The following OSBPL7 variants were observed in gnomAD, a reference collection of about 807,000 sequenced individuals.
OSBPL7 encodes oxysterol binding protein like 7.
OSBPL7 carries 66 observed loss-of-function variants against 115.8 expected under a neutral mutation model. The observed-to-expected ratio is 0.57, with a 90% CI of 0.47 to 0.70. The LOEUF is 0.70. Among genes scored for constraint, OSBPL7 ranks in the 30% least tolerant of loss-of-function variants. The probability of loss-of-function intolerance (pLI) is 0.00; values close to 1 mark genes in which losing one functional copy is unlikely to be tolerated. For synonymous variants in OSBPL7, 441 were observed against 439.2 expected, an observed-to-expected ratio of 1.00 and a Z score of -0.05; for missense variants, 902 against 1,125.5, an observed-to-expected ratio of 0.80 and a Z score of 2.84.
rs983633673 is a variant in OSBPL7, at chr17:47,816,314, A to T, written c.1023+74T>A. 1.3e-6 allele frequency: 2 copies of T among 1,485,110 alleles called. No homozygotes were observed. Among genetic ancestry groups the T allele is most frequent in the Non-Finnish European group, 9.0e-7 (1 of 1,108,518 alleles). The allele number at this position is 1,485,110 out of a possible 1,614,324, so 92.0% of individuals were successfully genotyped here. A position where few individuals can be genotyped will look rare whatever the true frequency, so the allele number is the denominator to read the frequency against. ...CCCCCCACCCTGACCCAGATCTGCT[A>T]TCGGACCCCAGGCTGGCAGTCCTCA... On this transcript the variant is annotated intron_variant, in intron 11 of 22. Coordinates refer to ENST00000007414, the MANE Select transcript of OSBPL7 (RefSeq NM_145798.3). The surrounding 1 kb of genome is among the most constrained non-coding windows in gnomAD (Gnocchi z 5.8).
chr17:47,819,921 T>TTTC, intron 3 of OSBPL7, 50 bp downstream of exon 3: 1 of 1,343,822 alleles, frequency 7.4e-7, no homozygotes, highest in Non-Finnish European at 1.0e-6. Flanking sequence ...TGCCCCCCAT[T>TTTC]CCCACCCCGC....
intron 19 of OSBPL7, 23 bp downstream of exon 19, chr17:47,809,311 C>T (rs892582732): frequency 6.2e-7 from 1 of 1,611,592 alleles, no homozygotes; most frequent in East Asian, 2.2e-5. Context: ...GATGGATGGG[C>T]AGGGTCAGGG....
chr17:47,819,091 C>A lies in OSBPL7; in HGVS notation c.264G>T (p.Lys88Asn), dbSNP rs769526969. The part of the protein sequence containing the change: ...HYATTRQDIT[K>N]GKLHGSIDVR... ...CATCGATGGAGCCATGGAGCTTCCC[C>A]TTGGTGATCTGGGGGTGAAGTGTTG... is the stretch of plus-strand genomic sequence containing the variant. The change falls in exon 5 of 23, where the codon AAG (lysine) becomes AAT (asparagine). Residue 88 changes from lysine to asparagine, a missense_variant. Lys to Asn is a moderately conservative substitution (Grantham distance 94). Transcript: ENST00000007414. 1.2e-5 allele frequency: 20 copies of A among 1,613,804 alleles called. No homozygotes were observed. Among genetic ancestry groups the A allele is most frequent in the Non-Finnish European group, 1.7e-5 (20 of 1,179,888 alleles).
chr17:47,813,240 C>T (rs1219526983), intron 16 of OSBPL7, 26 bp downstream of exon 16: 1 of 1,612,834 alleles, frequency 6.2e-7, no homozygotes, highest in Non-Finnish European at 8.5e-7. Flanking sequence ...ACACCCAAGG[C>T]CAGCCCTCTT....
At chr17:47,814,965 G>T in intron 13 of OSBPL7, 1 of 573,296 alleles carries the variant, frequency 1.7e-6, no homozygotes, top group Non-Finnish European at 3.1e-6. Context: ...GATGACCGGG[G>T]TTGCAACTAT....
At chr17:47,818,696 C>T (rs76307686) in intron 5 of OSBPL7, 80 bp from the exon 6 acceptor site, 17,991 of 1,206,046 alleles carry the variant, frequency 0.015, 194 homozygotes, top group Non-Finnish European at 0.019. Context: ...GGCTCTGGTC[C>T]CCAGACAAGC....
intron 1 of OSBPL7, among the ~76,000 whole-genome samples, chr17:47,821,042 C>T (rs976355311): frequency 6.6e-6 from 1 of 152,136 alleles, no homozygotes; most frequent in African/African-American, 2.4e-5. Flanking sequence ...TGAGAAGTGC[C>T]ACCCACCCAG....
At chr17:47,814,959 A>G (rs754006269) in intron 13 of OSBPL7, 8 of 567,784 alleles carry the variant, frequency 1.4e-5, no homozygotes, top group Non-Finnish European at 2.5e-5. Flanking sequence ...TAGGAAGATG[A>G]CCGGGGTTGC....
In OSBPL7 at chr17:47,813,773, G is replaced by A. The variant is rs140641020; in HGVS notation, c.1413C>T (p.Ser471=). ...ACAGGCTCACGTCAGCCCCAGGCCC[G>A]CTGGCCGCCGGCAGGCAGCGACGGC... ...PPRRRCLPAA[S]GPGADVSLWN... Residue 471 remains serine, a synonymous_variant, in exon 15 of 23, where the codon AGC becomes AGT. Transcript: ENST00000007414. 2.3e-5 allele frequency: 37 copies of A among 1,612,954 alleles called. No homozygotes were observed. The highest frequency in any genetic ancestry group is 3.3e-4 in the Middle Eastern group (2 of 6,060).
In OSBPL7 at chr17:47,818,454, C is replaced by T. The variant is rs374371104; in HGVS notation, c.480+52G>A. The T allele has an allele frequency of 2.1e-5, 33 of 1,589,406 alleles. No homozygotes were observed. In the African/African-American group the frequency reaches 3.4e-4, roughly 16 times the overall value. On this transcript the variant is annotated intron_variant, in intron 6 of 22. Coordinates refer to ENST00000007414, the MANE Select transcript of OSBPL7 (RefSeq NM_145798.3). ...CCTGGGTCTCACAGTTCTCCATAGC[C>T]CTTGCCCCTGAATTGCCACATTACC...
chr17:47,813,817 T>C lies in OSBPL7; in HGVS notation c.1369A>G (p.Arg457Gly). 1 of 1,610,616 alleles carries C rather than the reference T, an allele frequency of 6.2e-7. No homozygotes were observed. Among genetic ancestry groups the C allele is most frequent in the Non-Finnish European group, 8.5e-7 (1 of 1,179,146 alleles). Residue 457 changes from arginine to glycine, a missense_variant, in exon 15 of 23, where the codon AGA becomes GGA. Transcript: ENST00000007414. ...CGACGGCGGGGTGGCCCCATGGGTCTCCCTGGAACACACCCCCCTGGGGCC... is the reference window on the plus strand; with the variant it reads ...CGACGGCGGGGTGGCCCCATGGGTCCCCCTGGAACACACCCCCCTGGGGCC... ...RCQKGGCVPG[R>G]PMGPPRRRCL...
chr17:47,812,109 G>A (rs1156986358), intron 16 of OSBPL7, among the ~76,000 whole-genome samples: 1 of 152,104 alleles, frequency 6.6e-6, no homozygotes, highest in Non-Finnish European at 1.5e-5. Context: ...TCTCTCCTCT[G>A]TCCCTCATGG....
intron 14 of OSBPL7, 28 bp from the exon 15 acceptor site, chr17:47,813,862 C>T (rs1182432756): frequency 6.3e-7 from 1 of 1,584,096 alleles, no homozygotes; most frequent in African/African-American, 1.3e-5. Context: ...TGTCACTCTC[C>T]ATCTGGGCAC....
At chr17:47,820,981 AC>A (rs1424942642) in intron 1 of OSBPL7, 1 of 151,832 alleles carries the variant, frequency 6.6e-6, no homozygotes, top group Non-Finnish European at 1.5e-5. Flanking sequence ...GACCCTCAGT[AC>A]CCCCTAAAGC....
intron 18 of OSBPL7, among the ~76,000 whole-genome samples, chr17:47,810,038 C>T (rs1458489312): frequency 6.6e-6 from 1 of 151,974 alleles, no homozygotes; most frequent in Non-Finnish European, 1.5e-5. Context: ...CCTGCCTCAG[C>T]CTCCCCAGTA....
Position 47,813,735 on chromosome 17 carries a change from C to A in OSBPL7, c.1451G>T (p.Arg484Leu). ...GADVSLWNIL[R>L]NNIGKDLSKV... The stretch of plus-strand genomic sequence containing the variant: ...GGACAGGTCTTTGCCGATGTTGTTG[C>A]GCAGAATGTTCCACAGGCTCACGTC... Residue 484 changes from arginine to leucine, a missense_variant, in exon 15 of 23, where the codon CGC becomes CTC. Arg to Leu is a moderately radical substitution (Grantham distance 102, BLOSUM62 -2). Around this residue, in one of 3 missense-constraint regions of OSBPL7, gnomAD observed 667 missense variants for 788.7 expected, o/e 0.85. Transcript: ENST00000007414. 1 of 1,613,446 alleles carries A rather than the reference C, an allele frequency of 6.2e-7. No individual in the cohort carries two copies. Among genetic ancestry groups the A allele is most frequent in the Non-Finnish European group, 8.5e-7 (1 of 1,179,998 alleles).
chr17:47,819,912 G>GCCCCCCAATCCCCACCCCCC, intron 3 of OSBPL7, 59 bp downstream of exon 3: 1 of 1,485,450 alleles, frequency 6.7e-7, no homozygotes, highest in Non-Finnish European at 9.3e-7. Context: ...CCCAGCAGCT[G>GCCCCCCAATCCCCACCCCCC]CCCCCCATTC....
intron 4 of OSBPL7, 114 bp downstream of exon 4, chr17:47,819,615 G>A: frequency 1.6e-6 from 2 of 1,256,592 alleles, no homozygotes; most frequent in Non-Finnish European, 2.3e-6. Context: ...CATTCAGCAA[G>A]TGGTGGACCT....
intron 4 of OSBPL7, 158 bp from the exon 5 acceptor site, chr17:47,819,257 C>T: frequency 1.6e-6 from 1 of 623,994 alleles, no homozygotes; most frequent in South Asian, 1.9e-5. Flanking sequence ...GTCAATCATC[C>T]TCCCATGTGC....
Sources: allele counts gnomAD v4.1 joint callset (sites outside exome capture counted in the v4.1 genomes callset), GRCh38; gene constraint gnomAD v4.1.1; regional missense constraint gnomAD v4.1.1; non-coding constraint Gnocchi (gnomAD v3.1); transcripts MANE v1.5; gene names NCBI Gene and HGNC (gene_info 2026-07-23, HGNC 2026-07-21).